Variants in MTMR10 observed in about 807,000 individuals in gnomAD.
MTMR10 encodes the protein myotubularin-related protein 10.
MTMR10 carries 56 observed loss-of-function variants against 88.1 expected under a neutral mutation model. The observed-to-expected ratio is 0.64, with a 90% CI of 0.51 to 0.79. The LOEUF (loss-of-function observed/expected upper bound fraction) is 0.79, where lower values mean the gene tolerates loss of function less well. MTMR10 is among the 30% of genes least tolerant of loss of function. MTMR10 has a pLI of 0.00. For synonymous variants in MTMR10, 380 were observed against 340.9 expected, an observed-to-expected ratio of 1.11 and a Z score of -1.26; for missense variants, 883 against 924.7, an observed-to-expected ratio of 0.95 and a Z score of 0.58.
In MTMR10 at chr15:30,941,543, C is replaced by T. The variant is rs762225508; in HGVS notation, c.2261G>A (p.Gly754Glu). Reference protein sequence around the residue: ...VGNLCRRSILGTPLSKFLSGA... With the variant: ...VGNLCRRSILETPLSKFLSGA... Reference sequence around the variant, plus strand: ...ACTTAAAAATTTGCTTAATGGTGTTCCTAAAATGCTTCGTCTGCACAGATT... The same window carrying T: ...ACTTAAAAATTTGCTTAATGGTGTTTCTAAAATGCTTCGTCTGCACAGATT... Residue 754 changes from glycine (G) to glutamate (E), a missense_variant, in exon 16 of 16, where the codon GGA becomes GAA. Gly to Glu is a moderately conservative substitution (Grantham distance 98, BLOSUM62 -2). Coordinates refer to ENST00000435680, the MANE Select transcript of MTMR10 (RefSeq NM_017762.3). 6.2e-7 allele frequency: 1 copy of T among 1,607,906 alleles called. No individual in the cohort carries two copies. Among genetic ancestry groups the T allele is most frequent in the South Asian group, 1.1e-5 (1 of 90,014 alleles).
chr15:30,968,061 G>C, intron 5 of MTMR10, 51 bp from the exon 6 acceptor site: 1 of 1,327,290 alleles, frequency 7.5e-7, no homozygotes, highest in Non-Finnish European at 1.1e-6. Flanking sequence ...TTAGTTAAAT[G>C]AAATGTACAA....
rs1246565322 is a variant in MTMR10 at position 30,943,700 on chromosome 15, G to A, written c.1549-628C>T. ...AGTCCACCTCTAGCCCGGACTCTGG[G>A]CGGGTGCAGCCTAGTTATCTGGCTT... On this transcript the variant is annotated intron_variant, in intron 14 of 15. Transcript: ENST00000435680. 6 of 985,296 alleles carry A rather than the reference G, an allele frequency of 6.1e-6. No homozygotes were observed. In the Admixed American group the frequency reaches 2.5e-4, roughly 40 times the overall value. The allele number at this position is 985,296 out of a possible 1,614,324, so 61.0% of individuals were successfully genotyped here. A position where few individuals can be genotyped will look rare whatever the true frequency, so the allele number is the denominator to read the frequency against.
intron 12 of MTMR10, chr15:30,950,199 T>G (rs1255640227): frequency 6.6e-6 from 1 of 152,214 alleles, no homozygotes. Context: ...GAACACCCAC[T>G]GGATGAGAGA....
intron 2 of MTMR10, among the ~76,000 whole-genome samples, chr15:30,980,103 A>G (rs1045808569): frequency 2.6e-5 from 4 of 152,222 alleles, no homozygotes; most frequent in Non-Finnish European, 5.9e-5. Flanking sequence ...TATCTGAAAC[A>G]AGGTTTAGAA....
chr15:30,930,781 G>A, the MTMR10 span: 1 of 1,376,304 alleles, frequency 7.3e-7, no homozygotes, highest in South Asian at 1.2e-5. Flanking sequence ...AATTCCTTGA[G>A]AGCTTTTGGG....
At position 30,990,803 on chromosome 15, in the gene MTMR10, T is replaced by C; in HGVS notation, c.95A>G (p.Lys32Arg). 2 of 1,609,972 alleles carry C rather than the reference T, an allele frequency of 1.2e-6. No homozygotes were observed. The highest frequency in any genetic ancestry group is 1.7e-6 in the Non-Finnish European group (2 of 1,178,030). Residue 32 changes from lysine to arginine, a missense_variant, in exon 2 of 16, where the codon AAA (lysine) becomes AGA (arginine). Physicochemically the swap from Lys to Arg is conservative, Grantham distance 26 (BLOSUM62 2). Around this residue, in one of 3 missense-constraint regions of MTMR10, gnomAD observed 414 missense variants for 423.2 expected, o/e 0.98. Coordinates refer to ENST00000435680, the MANE Select transcript of MTMR10 (RefSeq NM_017762.3). ...TGGCAAAAGGACTGGCTCCAGTTTT[T>C]TAATCTTCGGTTCCGAATTGATCTT... The part of the protein sequence containing the change: ...DDKINSEPKI[K>R]KLEPVLLPGE...
chr15:30,976,715 A>G, intron 3 of MTMR10, 104 bp downstream of exon 3: 2 of 1,276,086 alleles, frequency 1.6e-6, no homozygotes, highest in Non-Finnish European at 2.1e-6. Flanking sequence ...TGCATTACCT[A>G]ATACTTCTAC....
At chr15:30,988,361 T>C (rs537223297) in intron 2 of MTMR10, among the ~76,000 whole-genome samples, 19 of 152,182 alleles carry the variant, frequency 1.2e-4, no homozygotes, top group Admixed American at 7.2e-4. Context: ...TGCTGGGTGA[T>C]AGAGCCGTCA....
intron 10 of MTMR10, 145 bp downstream of exon 10, chr15:30,954,618 A>G: frequency 1.1e-6 from 1 of 886,080 alleles, no homozygotes. Context: ...AAGTTCTCAT[A>G]CAATAATATA....
Position 30,941,160 on chromosome 15 carries a change from TCA to T in MTMR10, c.*308_*309del. ...CTGGGGCTGCTAATGTGACTGACTA[TCA>T]GATAGCCTTCAGGAGGTGGTAGGAA... is the stretch of plus-strand genomic sequence containing the variant. On this transcript the variant is annotated 3_prime_UTR_variant, in exon 16 of 16. Coordinates refer to ENST00000435680, the MANE Select transcript of MTMR10 (RefSeq NM_017762.3). 7.7e-7 allele frequency: 1 copy of T among 1,301,680 alleles called. No individual in the cohort carries two copies. 80.6% of individuals were successfully genotyped at this position (1,301,680 alleles called of 1,614,324 possible).
intron 6 of MTMR10, among the ~76,000 whole-genome samples, chr15:30,963,682 T>C (rs56293528): frequency 1.0e-4 from 2 of 19,820 alleles, no homozygotes; most frequent in East Asian, 6.5e-3. Flanking sequence ...GATAGATAGA[T>C]AGATAGATAG....
At chr15:30,980,656 T>C (rs1490291844) in intron 2 of MTMR10, among the ~76,000 whole-genome samples, 3 of 152,012 alleles carry the variant, frequency 2.0e-5, no homozygotes, top group Non-Finnish European at 2.9e-5. Context: ...TTTAGAGAAA[T>C]GGCTGATTCC....
At chr15:30,928,233 G>C in the MTMR10 span, 1 of 1,078,844 alleles carries the variant, frequency 9.3e-7, no homozygotes, top group South Asian at 3.2e-5. Context: ...GAGGGTATCT[G>C]CCTATTTTTC....
intron 2 of MTMR10, among the ~76,000 whole-genome samples, chr15:30,988,334 G>C (rs7174022): frequency 6.6e-6 from 1 of 152,176 alleles, no homozygotes; most frequent in Non-Finnish European, 1.5e-5. Context: ...GTAAGGATAA[G>C]TCAGGTACAA....
Position 30,943,091 on chromosome 15 carries a change from A to C in MTMR10, c.1549-19T>G. On this transcript the variant is annotated intron_variant, in intron 14 of 15. Coordinates refer to ENST00000435680, the MANE Select transcript of MTMR10 (RefSeq NM_017762.3). ...CAAATTCCTGCAAAATAAATAAATA[A>C]ATATTTGCAAAACTAAAGATTCTCT... is the stretch of plus-strand genomic sequence containing the variant. 6.5e-7 allele frequency: 1 copy of C among 1,528,586 alleles called. No individual in the cohort carries two copies. The highest frequency in any genetic ancestry group is 8.8e-7 in the Non-Finnish European group (1 of 1,138,548). The allele number at this position is 1,528,586 out of a possible 1,614,324, so 94.7% of individuals were successfully genotyped here. A position where few individuals can be genotyped will look rare whatever the true frequency, so the allele number is the denominator to read the frequency against.
chr15:30,957,812 G>A (rs1250301054), intron 9 of MTMR10, among the ~76,000 whole-genome samples: 1 of 152,214 alleles, frequency 6.6e-6, no homozygotes, highest in Non-Finnish European at 1.5e-5. Flanking sequence ...ATGTCAGGAG[G>A]TTGAAAACAC....
At chr15:30,929,952 A>G in the MTMR10 span, among the ~76,000 whole-genome samples, 1 of 122,888 alleles carries the variant, frequency 8.1e-6, no homozygotes, top group South Asian at 2.2e-4. Flanking sequence ...ATAATATAAT[A>G]TATATCATAT....
chr15:30,959,563 A>G (rs2063373580), intron 7 of MTMR10, among the ~76,000 whole-genome samples: 1 of 152,194 alleles, frequency 6.6e-6, no homozygotes, highest in African/African-American at 2.4e-5. Context: ...AGACTCTAGG[A>G]CACTGATCAG....
the MTMR10 span, chr15:30,927,734 T>G: frequency 1.0e-6 from 1 of 985,534 alleles, no homozygotes. Context: ...TGTGGCCTCC[T>G]CCTCTGTCGG....
Sources: gnomAD v4.1 joint callset for allele counts (sites outside exome capture counted in the v4.1 genomes callset) on GRCh38, gnomAD v4.1.1 for gene constraint, gnomAD v4.1.1 regional missense constraint, MANE v1.5 for transcripts, NCBI Gene and HGNC (gene_info 2026-07-23, HGNC 2026-07-21) for gene names.